Variants in CNNM1 observed in about 807,000 individuals in gnomAD.
The protein encoded by CNNM1 is metal transporter CNNM1.
A neutral mutation model predicts 78.8 loss-of-function variants in CNNM1; 44 were observed. That is an observed-to-expected ratio of 0.56 (90% confidence interval 0.44 to 0.72). The LOEUF is 0.72. CNNM1 is among the 30% of genes least tolerant of loss of function. The pLI is 0.00. For missense variants in CNNM1, 1,101 were observed against 1,292.2 expected (o/e 0.85, Z 2.27); for synonymous variants, 584 against 581.5 (o/e 1.00, Z -0.06).
intron 1 of CNNM1, among the ~76,000 whole-genome samples, chr10:99,337,343 T>C (rs2030235088): frequency 6.6e-6 from 1 of 152,244 alleles, no homozygotes; most frequent in Non-Finnish European, 1.5e-5. Flanking sequence ...CAGCCAGCAA[T>C]GCACTCATGA....
At chr10:99,349,425 A>G (rs573304958) in intron 1 of CNNM1, among the ~76,000 whole-genome samples, 8 of 152,302 alleles carry the variant, frequency 5.3e-5, no homozygotes. Flanking sequence ...GGAATCCACA[A>G]TGGAAATAGA....
Position 99,329,507 on chromosome 10 carries a change from C to G in CNNM1, c.120C>G (p.Ala40=). Residue 40 remains alanine (A), a synonymous_variant, in exon 1 of 11, where the codon GCC becomes GCG. Transcript: ENST00000356713. The part of the protein sequence containing the change: ...SLSPRPPAAA[A]WLLGLRPEDT... ...CTCCTCGGCCCCCGGCCGCCGCCGC[C>G]TGGCTGCTGGGCCTGCGGCCCGAGG... 6.6e-7 allele frequency: 1 copy of G among 1,509,958 alleles called. No individual in the cohort carries two copies. Among genetic ancestry groups the G allele is most frequent in the Non-Finnish European group, 8.8e-7 (1 of 1,135,760 alleles). The allele number at this position is 1,509,958 out of a possible 1,614,324, so 93.5% of individuals were successfully genotyped here. A position where few individuals can be genotyped will look rare whatever the true frequency, so the allele number is the denominator to read the frequency against.
chr10:99,335,450 C>A (rs2030131282), intron 1 of CNNM1, among the ~76,000 whole-genome samples: 1 of 152,186 alleles, frequency 6.6e-6, no homozygotes, highest in Non-Finnish European at 1.5e-5. Context: ...ATAGTGACCG[C>A]CATGGCTAGG....
intron 1 of CNNM1, 34 bp downstream of exon 1, chr10:99,330,994 AT>A: frequency 6.4e-7 from 1 of 1,566,376 alleles, no homozygotes; most frequent in Non-Finnish European, 8.6e-7. Context: ...CCCAACTCCT[AT>A]CCCCTTCAAA....
intron 6 of CNNM1, among the ~76,000 whole-genome samples, chr10:99,367,031 G>A (rs555074678): frequency 2.9e-4 from 44 of 152,126 alleles, no homozygotes; most frequent in African/African-American, 1.0e-3. Flanking sequence ...TAGCCAATGG[G>A]GTAAAAAGAC....
At chr10:99,344,981 C>CA (rs1175172383) in intron 1 of CNNM1, among the ~76,000 whole-genome samples, 1 of 152,146 alleles carries the variant, frequency 6.6e-6, no homozygotes, top group Non-Finnish European at 1.5e-5. Context: ...CTTAACACGT[C>CA]AGAGACAGTA....
intron 6 of CNNM1, among the ~76,000 whole-genome samples, chr10:99,373,281 T>C (rs2134064547): frequency 6.6e-6 from 1 of 152,288 alleles, no homozygotes; most frequent in African/African-American, 2.4e-5. Flanking sequence ...TGGAGGATTA[T>C]TGAGGAATGG....
At chr10:99,362,166 T>C (rs2031455755) in intron 3 of CNNM1, 61 bp from the exon 4 acceptor site, 4 of 1,471,386 alleles carry the variant, frequency 2.7e-6, no homozygotes, top group Non-Finnish European at 3.7e-6. Context: ...CAGCTGCCAC[T>C]GCTGGAATGG....
rs544800066 is a variant in CNNM1 at position 99,330,587 on chromosome 10, G to T, written c.1200G>T (p.Thr400=). 1 of 1,612,006 alleles carries T rather than the reference G, an allele frequency of 6.2e-7. No homozygotes were observed. The highest frequency in any genetic ancestry group is 8.5e-7 in the Non-Finnish European group (1 of 1,179,120). The change falls in exon 1 of 11, where the codon ACG becomes ACT. Residue 400 remains threonine (T), a synonymous_variant. Coordinates refer to ENST00000356713, the MANE Select transcript of CNNM1 (RefSeq NM_020348.3). ...TFYTREKLLE[T]LRAADPYSDL... is the part of the protein sequence containing the mutation. ...ACACGCGGGAGAAGTTGCTGGAGAC[G>T]TTGCGGGCCGCAGACCCCTACAGTG...
chr10:99,341,390 G>A (rs746928960), intron 1 of CNNM1, among the ~76,000 whole-genome samples: 12 of 152,034 alleles, frequency 7.9e-5, no homozygotes, highest in Admixed American at 2.6e-4. Flanking sequence ...ACCAGGGCTC[G>A]GCAGATAGAC....
At chr10:99,359,922 CCAAAAAAAAAAAAA>C (rs1463809142) in intron 2 of CNNM1, among the ~76,000 whole-genome samples, 1 of 60,972 alleles carries the variant, frequency 1.6e-5, no homozygotes, top group African/African-American at 4.7e-5. Context: ...ATTTCCTCTA[CCAAAAAAAAAAAAA>C]CAAAAAAAAA....
In CNNM1 at chr10:99,387,984, C is replaced by T. The variant is rs534471604; in HGVS notation, c.2505C>T (p.Asn835=). ...ATGACCCCGCCATCACGCTCCTCAA[C>T]AACAGGAACAGCCTGCCGTGTAAGT... is the stretch of plus-strand genomic sequence containing the variant. The part of the protein sequence containing the change: ...PKDDPAITLL[N]NRNSLPCSRS... Residue 835 remains asparagine (N), a synonymous_variant, in exon 8 of 11, where the codon AAC becomes AAT. Coordinates refer to ENST00000356713, the MANE Select transcript of CNNM1 (RefSeq NM_020348.3). The T allele has an allele frequency of 2.1e-5, 33 of 1,593,934 alleles. No individual in the cohort carries two copies. In the African/African-American group the frequency reaches 4.0e-4, roughly 19 times the overall value.
rs189765421 is a variant in CNNM1 at position 99,362,209 on chromosome 10, C to G, written c.1859-18C>G. 3 of 1,591,276 alleles carry G rather than the reference C, an allele frequency of 1.9e-6. No homozygotes were observed. Among genetic ancestry groups the G allele is most frequent in the Admixed American group, 3.5e-5 (2 of 57,278 alleles). ...ACAGCTGATGCTGATTCCTCCCTTC[C>G]CACTCACTCTCCTCTAGAAGTGGAG... On this transcript the variant is annotated intron_variant, in intron 3 of 10. Coordinates refer to ENST00000356713, the MANE Select transcript of CNNM1 (RefSeq NM_020348.3).
Position 99,379,666 on chromosome 10 carries a change from C to T in CNNM1, c.2340+2448C>T, listed in dbSNP as rs537690343. 1.2e-3 allele frequency among the ~76,000 whole-genome samples: 164 copies of T among 135,018 alleles called. No homozygotes were observed. The Admixed American group carries it at 0.012, about 10-fold the overall frequency. The allele number at this position is 135,018 out of a possible 152,430, so 88.6% of individuals were successfully genotyped here. On this transcript the variant is annotated intron_variant, in intron 7 of 10. Coordinates refer to ENST00000356713, the MANE Select transcript of CNNM1 (RefSeq NM_020348.3). ...TTTTTTTTTTTTTTTTTTGTAGAGA[C>T]AGGATTCTCACTATGTTTCCCAGAC...
chr10:99,381,774 CTT>C (rs2032171745), intron 7 of CNNM1, among the ~76,000 whole-genome samples: 1 of 150,804 alleles, frequency 6.6e-6, no homozygotes, highest in African/African-American at 2.4e-5. Context: ...AAAAAAAAAA[CTT>C]TGATTAAAAT....
chr10:99,366,475 T>TAAA (rs879340914), intron 6 of CNNM1, among the ~76,000 whole-genome samples: 2 of 138,014 alleles, frequency 1.4e-5, no homozygotes, highest in East Asian at 2.1e-4. Flanking sequence ...CCTTCTTTCT[T>TAAA]AAAAAAAAAA....
intron 7 of CNNM1, among the ~76,000 whole-genome samples, chr10:99,387,016 A>T (rs765520843): frequency 6.6e-5 from 10 of 152,150 alleles, no homozygotes; most frequent in African/African-American, 1.2e-4. Flanking sequence ...ACATTCCTGT[A>T]CTGGGTGGCA....
chr10:99,366,627 C>A (rs1339383035), intron 6 of CNNM1, among the ~76,000 whole-genome samples: 1 of 152,088 alleles, frequency 6.6e-6, no homozygotes, highest in Non-Finnish European at 1.5e-5. Context: ...ACTAAAAATA[C>A]AAAAATTAGC....
chr10:99,364,291 C>T, intron 4 of CNNM1, 126 bp from the exon 5 acceptor site: 1 of 637,652 alleles, frequency 1.6e-6, no homozygotes, highest in Non-Finnish European at 2.7e-6. Flanking sequence ...ATTAACATTC[C>T]TCTGTGATAA....
Sources: allele counts gnomAD v4.1 joint callset (sites outside exome capture counted in the v4.1 genomes callset), GRCh38; gene constraint gnomAD v4.1.1; transcripts MANE v1.5; gene names NCBI Gene and HGNC (gene_info 2026-07-23, HGNC 2026-07-21).